The following ATRNL1 variants were observed in gnomAD, a reference collection of about 807,000 sequenced individuals.
ATRNL1 encodes the protein attractin-like protein 1.
In ATRNL1, 95 loss-of-function variants were observed where a neutral mutation model predicts 182.7. That is an observed-to-expected ratio of 0.52 (90% CI 0.44 to 0.62). The LOEUF (loss-of-function observed/expected upper bound fraction) is 0.62, where lower values mean the gene tolerates loss of function less well. Among genes scored for constraint, ATRNL1 ranks in the 20% least tolerant of loss-of-function variants. The pLI is 0.00. For missense variants in ATRNL1, 1,471 were observed against 1,679.5 expected (o/e 0.88, Z 2.17); for synonymous variants, 576 against 568.3 (o/e 1.01, Z -0.19).
intron 26 of ATRNL1, among the ~76,000 whole-genome samples, chr10:115,676,121 G>T (rs979451333): frequency 6.6e-6 from 1 of 151,996 alleles, no homozygotes; most frequent in Non-Finnish European, 1.5e-5. Flanking sequence ...GTTTCCTAAG[G>T]ATAATTCTTA....
intron 27 of ATRNL1, among the ~76,000 whole-genome samples, chr10:115,834,770 A>G (rs1301930458): frequency 6.6e-6 from 1 of 152,172 alleles, no homozygotes; most frequent in Non-Finnish European, 1.5e-5. Context: ...AATCTTCAAG[A>G]TAATGAATTC....
chr10:115,281,500 A>G lies in ATRNL1; in HGVS notation c.2233+13A>G, dbSNP rs369879836. On this transcript the variant is annotated intron_variant, in intron 14 of 28. Transcript: ENST00000355044. ...CAGGCTTTACCAGGTAAAGATTTCA[A>G]AATTTAGTAAATGAGTTTATGGTCT... is the stretch of plus-strand genomic sequence containing the variant. 3 of 1,611,332 alleles carry G rather than the reference A, an allele frequency of 1.9e-6. No individual in the cohort carries two copies. The highest frequency in any genetic ancestry group is 2.7e-5 in the African/African-American group (2 of 74,786).
chr10:115,467,691 A>T (rs1848118760), intron 23 of ATRNL1, among the ~76,000 whole-genome samples: 1 of 150,720 alleles, frequency 6.6e-6, no homozygotes, highest in South Asian at 2.1e-4. Context: ...AGCTTAGAAA[A>T]TATAACCCCT....
At chr10:115,490,862 G>A (rs927312797) in intron 24 of ATRNL1, among the ~76,000 whole-genome samples, 1 of 152,120 alleles carries the variant, frequency 6.6e-6, no homozygotes, top group African/African-American at 2.4e-5. Flanking sequence ...CCATCTTCGT[G>A]TATTTATCTA....
chr10:115,176,189 G>A (rs1159770623), intron 8 of ATRNL1, among the ~76,000 whole-genome samples: 1 of 152,040 alleles, frequency 6.6e-6, no homozygotes, highest in Non-Finnish European at 1.5e-5. Context: ...TGAGTTCTTT[G>A]TAGATTCTGG....
intron 28 of ATRNL1, among the ~76,000 whole-genome samples, chr10:115,933,578 A>T (rs1953469397): frequency 6.6e-6 from 1 of 152,204 alleles, no homozygotes; most frequent in Admixed American, 6.5e-5. Context: ...GCAGTCATGA[A>T]TTCATAGAAC....
intron 19 of ATRNL1, among the ~76,000 whole-genome samples, chr10:115,364,111 G>C (rs1554945137): frequency 2.7e-5 from 4 of 146,006 alleles, no homozygotes. Flanking sequence ...ACCTTGGGCA[G>C]TATGGGCATT....
intron 15 of ATRNL1, among the ~76,000 whole-genome samples, chr10:115,292,376 C>G (rs955683699): frequency 6.6e-6 from 1 of 151,010 alleles, no homozygotes; most frequent in Non-Finnish European, 1.5e-5. Context: ...TTGCCATGAT[C>G]TTTATTTTTT....
chr10:115,518,898 C>A (rs545323774), intron 24 of ATRNL1, among the ~76,000 whole-genome samples: 2 of 151,790 alleles, frequency 1.3e-5, no homozygotes, highest in South Asian at 4.2e-4. Flanking sequence ...TGAAGCTTCC[C>A]CAGATGAAGT....
intron 28 of ATRNL1, among the ~76,000 whole-genome samples, chr10:115,867,730 A>ATT (rs59623583): frequency 0.07 from 9,660 of 138,018 alleles, 982 homozygotes; most frequent in African/African-American, 0.22. Flanking sequence ...CACCCTGTGA[A>ATT]TTTTTTTTTT....
intron 27 of ATRNL1, among the ~76,000 whole-genome samples, chr10:115,807,313 A>C (rs1949944397): frequency 6.6e-6 from 1 of 152,026 alleles, no homozygotes; most frequent in African/African-American, 2.4e-5. Flanking sequence ...ACGGATCTTC[A>C]TCATGTTGGC....
chr10:115,839,853 GGT>G (rs1459810142), intron 27 of ATRNL1, among the ~76,000 whole-genome samples: 1 of 152,096 alleles, frequency 6.6e-6, no homozygotes, highest in African/African-American at 2.4e-5. Flanking sequence ...GTATTCTTAT[GGT>G]GGCCTTCTAC....
chr10:115,424,118 G>C (rs907420362), intron 20 of ATRNL1, among the ~76,000 whole-genome samples: 1 of 152,122 alleles, frequency 6.6e-6, no homozygotes, highest in African/African-American at 2.4e-5. Flanking sequence ...GTGGACAAAA[G>C]ATCTGAATAG....
At chr10:115,403,685 C>T (rs1554957553) in intron 20 of ATRNL1, among the ~76,000 whole-genome samples, 1 of 152,196 alleles carries the variant, frequency 6.6e-6, no homozygotes, top group East Asian at 1.9e-4. Context: ...CTCCTGACCT[C>T]AAGTGATCCG....
chr10:115,473,745 C>A (rs1217240523), intron 24 of ATRNL1, among the ~76,000 whole-genome samples: 1 of 151,194 alleles, frequency 6.6e-6, no homozygotes, highest in East Asian at 1.9e-4. Context: ...GATTCAATCA[C>A]CTTAGTTATT....
chr10:115,758,731 C>T (rs1044895019), intron 27 of ATRNL1, among the ~76,000 whole-genome samples: 22 of 152,198 alleles, frequency 1.4e-4, no homozygotes, highest in Non-Finnish European at 2.9e-4. Context: ...TGCCCACAGC[C>T]GCCCCTTCCC....
In ATRNL1 at chr10:115,945,448, C is replaced by G. The variant is rs1277134317; in HGVS notation, c.*669C>G. ...TGCTCAGTGTAGAGGACATTCCTGTCATCCATGCCAACTACCTAACTCGTT... is the reference window on the plus strand; with the variant it reads ...TGCTCAGTGTAGAGGACATTCCTGTGATCCATGCCAACTACCTAACTCGTT... On this transcript the variant is annotated 3_prime_UTR_variant, in exon 29 of 29. Coordinates refer to ENST00000355044, the MANE Select transcript of ATRNL1 (RefSeq NM_207303.4). 1 of 152,154 alleles carries G rather than the reference C, an allele frequency of 6.6e-6. No homozygotes were observed. Among genetic ancestry groups the G allele is most frequent in the Non-Finnish European group, 1.5e-5 (1 of 68,034 alleles). The allele number at this position is 152,154 out of a possible 1,614,324, so 9.4% of individuals were successfully genotyped here. A position where few individuals can be genotyped will look rare whatever the true frequency, so the allele number is the denominator to read the frequency against.
chr10:115,767,434 A>T (rs936743915), intron 27 of ATRNL1, among the ~76,000 whole-genome samples: 2 of 152,256 alleles, frequency 1.3e-5, no homozygotes, highest in South Asian at 2.1e-4. Flanking sequence ...TGGATCCTGC[A>T]TACCACAACC....
intron 8 of ATRNL1, among the ~76,000 whole-genome samples, chr10:115,211,675 A>C (rs544565646): frequency 6.6e-6 from 1 of 151,712 alleles, no homozygotes; most frequent in South Asian, 2.1e-4. Flanking sequence ...GGTTTGTTAC[A>C]TATGTATACA....
Sources: gnomAD v4.1 joint callset for allele counts (sites outside exome capture counted in the v4.1 genomes callset) on GRCh38, gnomAD v4.1.1 for gene constraint, MANE v1.5 for transcripts, NCBI Gene and HGNC (gene_info 2026-07-23, HGNC 2026-07-21) for gene names.